VPS36: variants seen among roughly 807,000 people sequenced by gnomAD.
The protein encoded by VPS36 is vacuolar protein-sorting-associated protein 36.
Under a neutral mutation model 63.5 loss-of-function variants are expected in VPS36, and 31 were observed. The ratio of observed to expected loss-of-function variants is 0.49; its 90% CI spans 0.37 to 0.66. The LOEUF (loss-of-function observed/expected upper bound fraction) is 0.66, where lower values mean the gene tolerates loss of function less well. Among genes scored for constraint, VPS36 ranks in the 30% least tolerant of loss-of-function variants. The pLI is 0.00. For missense variants in VPS36, 338 were observed against 463.7 expected, an observed-to-expected ratio of 0.73 and a Z score of 2.49; for synonymous variants, 138 against 157.2, an observed-to-expected ratio of 0.88 and a Z score of 0.91.
At position 52,427,018 on chromosome 13, in the gene VPS36, CTTTAATTTTATTAGCAA is replaced by C; in HGVS notation, c.593_609del (p.Ile198ArgfsTer5). On this transcript the variant is annotated frameshift_variant, in exon 8 of 14. Coordinates refer to ENST00000378060, the MANE Select transcript of VPS36 (RefSeq NM_016075.4). LOFTEE classifies it high-confidence loss of function. ...TCTTCTGTGATGTCACCTTGTTTGT[CTTTAATTTTATTAGCAA>C]TTGATTTTGATAATTCCACCATTTC... 6.2e-7 allele frequency: 1 copy of C among 1,612,670 alleles called. No homozygotes were observed. The highest frequency in any genetic ancestry group is 1.1e-5 in the South Asian group (1 of 90,634).
chr13:52,431,200 A>G (rs1958151330), intron 6 of VPS36, among the ~76,000 whole-genome samples: 1 of 152,192 alleles, frequency 6.6e-6, no homozygotes, highest in African/African-American at 2.4e-5. Context: ...GTATGCTCAG[A>G]CAGCGTAAAC....
intron 10 of VPS36, among the ~76,000 whole-genome samples, chr13:52,420,124 C>G (rs1594112562): frequency 6.6e-6 from 1 of 151,352 alleles, no homozygotes; most frequent in African/African-American, 2.4e-5. Context: ...GCCTGTAATT[C>G]CCAGTTACTT....
chr13:52,423,647 A>T lies in VPS36; in HGVS notation c.775-8T>A. ...CATTATTCCCCCTCGTTCCTGTTCA[A>T]ATATGAAATTTTTAAAAAAGTATTA... is the stretch of plus-strand genomic sequence containing the variant. On this transcript the variant is annotated splice_polypyrimidine_tract_variant and splice_region_variant and intron_variant, in intron 9 of 13. Coordinates refer to ENST00000378060, the MANE Select transcript of VPS36 (RefSeq NM_016075.4). The T allele has an allele frequency of 6.2e-7, 1 of 1,608,252 alleles. No individual in the cohort carries two copies. The highest frequency in any genetic ancestry group is 8.5e-7 in the Non-Finnish European group (1 of 1,177,234).
chr13:52,423,753 G>A (rs1429007143), intron 9 of VPS36, 114 bp from the exon 10 acceptor site: 1 of 949,456 alleles, frequency 1.1e-6, no homozygotes, highest in Non-Finnish European at 1.6e-6. Context: ...TTTTTAAGAA[G>A]CTTATAAAAA....
At chr13:52,421,582 C>T (rs1693097409) in intron 10 of VPS36, among the ~76,000 whole-genome samples, 3 of 136,688 alleles carry the variant, frequency 2.2e-5, no homozygotes, top group Admixed American at 8.3e-5. Flanking sequence ...AGTGCAATGG[C>T]GCAATCTCGG....
chr13:52,427,298 T>C (rs929027413), intron 6 of VPS36, 79 bp from the exon 7 acceptor site: 6 of 1,525,612 alleles, frequency 3.9e-6, no homozygotes, highest in East Asian at 2.3e-5. Context: ...CCCTCTATTT[T>C]TTCCCCATAA....
In VPS36 at chr13:52,444,408, C is replaced by A. The variant is rs566896953; in HGVS notation, c.97-1963G>T. On this transcript the variant is annotated intron_variant, in intron 1 of 13. Transcript: ENST00000378060. ...CCGGGAGGCGGAGCTTGCAGTGAGCCGAGATCGCGCCACTGCACTCCAGCC... is the reference window on the plus strand; with the variant it reads ...CCGGGAGGCGGAGCTTGCAGTGAGCAGAGATCGCGCCACTGCACTCCAGCC... Among the ~76,000 whole-genome samples, 15 of 151,146 alleles carry A rather than the reference C, an allele frequency of 9.9e-5. No homozygotes were observed. In the South Asian group the frequency reaches 3.1e-3, roughly 32 times the overall value.
At position 52,413,368 on chromosome 13, in the gene VPS36, G is replaced by A. The variant is rs1311822742; in HGVS notation, c.*2462C>T. 1.3e-5 allele frequency: 2 copies of A among 151,952 alleles called. No individual in the cohort carries two copies. The highest frequency in any genetic ancestry group is 1.9e-4 in the East Asian group (1 of 5,202). 9.4% of individuals were successfully genotyped at this position (151,952 alleles called of 1,614,324 possible). A position where few individuals can be genotyped will look rare whatever the true frequency, so the allele number is the denominator to read the frequency against. ...TTTTAAGACAACTAAAACAGTAAGA[G>A]CTCAATGTCATAAGTATTTATAAGC... On this transcript the variant is annotated 3_prime_UTR_variant, in exon 14 of 14. Coordinates refer to ENST00000378060, the MANE Select transcript of VPS36 (RefSeq NM_016075.4).
At chr13:52,416,379 T>G (rs1045657922) in intron 12 of VPS36, 1 of 300,708 alleles carries the variant, frequency 3.3e-6, no homozygotes, top group Non-Finnish European at 6.1e-6. Flanking sequence ...AAAGAACTAT[T>G]TGATATTCTG....
intron 1 of VPS36, among the ~76,000 whole-genome samples, chr13:52,446,264 T>C (rs1958342427): frequency 7.1e-6 from 1 of 141,560 alleles, no homozygotes; most frequent in African/African-American, 2.7e-5. Context: ...AGATTCCGTC[T>C]GAAAAAAAAA....
chr13:52,420,010 G>C (rs928666675), intron 10 of VPS36, among the ~76,000 whole-genome samples: 14 of 152,268 alleles, frequency 9.2e-5, no homozygotes, highest in African/African-American at 2.6e-4. Context: ...GGAGGCCAAG[G>C]GGGGTGGATC....
At position 52,434,811 on chromosome 13, in the gene VPS36, TTG is replaced by T; in HGVS notation, c.421_422del (p.Gln141AsnfsTer3). 1.2e-6 allele frequency: 2 copies of T among 1,613,978 alleles called. No homozygotes were observed. Among genetic ancestry groups the T allele is most frequent in the Non-Finnish European group, 1.7e-6 (2 of 1,179,958 alleles). On this transcript the variant is annotated frameshift_variant, in exon 5 of 14. Coordinates refer to ENST00000378060, the MANE Select transcript of VPS36 (RefSeq NM_016075.4). LOFTEE classifies it high-confidence loss of function. ...AAAATACCTGGGGTCCTCTATTTGTTTGTAATGACTGGGAAACTGGCATATTC... is the reference window on the plus strand; with the variant it reads ...AAAATACCTGGGGTCCTCTATTTGTTTAATGACTGGGAAACTGGCATATTC... ...WENMPVSQSL[Q>X]TNRGPQPGRI...
chr13:52,438,719 C>T (rs569306896), intron 3 of VPS36, among the ~76,000 whole-genome samples: 53 of 152,302 alleles, frequency 3.5e-4, no homozygotes, highest in Admixed American at 1.6e-3. Flanking sequence ...AAATGTCCTG[C>T]TTTGTACAAT....
At chr13:52,443,968 G>C (rs1199450071) in intron 1 of VPS36, among the ~76,000 whole-genome samples, 1 of 152,092 alleles carries the variant, frequency 6.6e-6, no homozygotes, top group Non-Finnish European at 1.5e-5. Context: ...GTCCTTTCCA[G>C]GAATATCCAG....
intron 1 of VPS36, chr13:52,449,943 TC>T (rs1958384091): frequency 4.1e-6 from 4 of 985,408 alleles, no homozygotes; most frequent in Middle Eastern, 1.0e-3. Context: ...CTTTAGGAAA[TC>T]CTTTCGAAGC....
At chr13:52,416,262 TA>T (rs1957991401) in intron 12 of VPS36, 169 bp from the exon 13 acceptor site, 1 of 658,496 alleles carries the variant, frequency 1.5e-6, no homozygotes, top group Admixed American at 3.2e-5. Context: ...AAATTTTAAC[TA>T]ATGCTTAATC....
chr13:52,434,748 G>T, intron 5 of VPS36, 45 bp downstream of exon 5: 1 of 1,526,098 alleles, frequency 6.6e-7, no homozygotes, highest in Non-Finnish European at 9.0e-7. Flanking sequence ...GAAGATGTAA[G>T]TACAGAGTTG....
chr13:52,439,681 C>T (rs540553115), intron 2 of VPS36, among the ~76,000 whole-genome samples: 4 of 152,206 alleles, frequency 2.6e-5, no homozygotes, highest in South Asian at 2.1e-4. Flanking sequence ...CTCCTGACCT[C>T]GTAGTCCACC....
At chr13:52,423,720 A>G in intron 9 of VPS36, 81 bp from the exon 10 acceptor site, 1 of 1,321,968 alleles carries the variant, frequency 7.6e-7, no homozygotes, top group African/African-American at 1.5e-5. Flanking sequence ...TCATAATCAC[A>G]GTGAAATCAG....
Sources: allele counts gnomAD v4.1 joint callset (sites outside exome capture counted in the v4.1 genomes callset), GRCh38; gene constraint gnomAD v4.1.1; transcripts MANE v1.5; gene names NCBI Gene and HGNC (gene_info 2026-07-23, HGNC 2026-07-21).